The following FERMT2 variants were observed in gnomAD, a reference collection of about 807,000 sequenced individuals.
The protein encoded by FERMT2 is fermitin family homolog 2.
FERMT2 carries 15 observed loss-of-function variants against 82.7 expected under a neutral mutation model. The observed-to-expected ratio is 0.18, with a 90% CI of 0.12 to 0.28. The LOEUF is 0.28. Ranked by LOEUF, FERMT2 falls within the 10% of genes least tolerant of loss-of-function variation. The pLI is 1.00. For synonymous variants in FERMT2, 274 were observed against 271.5 expected, an observed-to-expected ratio of 1.01 and a Z score of -0.09; for missense variants, 645 against 809.4, an observed-to-expected ratio of 0.80 and a Z score of 2.46.
chr14:52,864,646 G>A (rs1885161750), intron 11 of FERMT2, 24 bp from the exon 12 acceptor site: 1 of 1,598,658 alleles, frequency 6.3e-7, no homozygotes, highest in South Asian at 1.1e-5. Context: ...ATACTGATGT[G>A]TGCAATGTAT....
chr14:52,938,329 G>A (rs1889941964), intron 2 of FERMT2, among the ~76,000 whole-genome samples: 1 of 152,042 alleles, frequency 6.6e-6, no homozygotes, highest in South Asian at 2.1e-4. Flanking sequence ...AAGTTTACAT[G>A]GTATTTGAAG....
chr14:52,929,858 G>A (rs2139670483), intron 2 of FERMT2, among the ~76,000 whole-genome samples: 1 of 152,148 alleles, frequency 6.6e-6, no homozygotes, highest in South Asian at 2.1e-4. Flanking sequence ...TTTCCTAATA[G>A]ATTATAAACT....
intron 2 of FERMT2, among the ~76,000 whole-genome samples, chr14:52,920,250 C>G (rs1222934081): frequency 6.6e-6 from 1 of 152,158 alleles, no homozygotes; most frequent in Non-Finnish European, 1.5e-5. Flanking sequence ...AAAGTAAAGA[C>G]TGCTGGGATC....
intron 10 of FERMT2, among the ~76,000 whole-genome samples, chr14:52,870,730 C>T (rs925224179): frequency 1.3e-5 from 2 of 152,202 alleles, no homozygotes; most frequent in African/African-American, 4.8e-5. Flanking sequence ...TAAGTACACA[C>T]ACTCCATAAT....
In FERMT2 at chr14:52,881,451, G is replaced by A. The variant is rs1886292091; in HGVS notation, c.545C>T (p.Pro182Leu). 2 of 1,611,430 alleles carry A rather than the reference G, an allele frequency of 1.2e-6. No individual in the cohort carries two copies. Among genetic ancestry groups the A allele is most frequent in the Non-Finnish European group, 1.7e-6 (2 of 1,177,786 alleles). Residue 182 changes from proline to leucine, a missense_variant, in exon 5 of 15, where the codon CCA becomes CTA. Physicochemically the swap from Pro to Leu is moderately conservative, Grantham distance 98. Transcript: ENST00000341590. The stretch of plus-strand genomic sequence containing the variant: ...GGTCATTGTTTTACTATACAGTCCT[G>A]GGCTTGAATATATACTTCCTAATAA... ...TPGSGSIYSSPGLYSKTMTPT... is the reference protein window; with the variant it reads ...TPGSGSIYSSLGLYSKTMTPT...
At chr14:52,909,201 C>T (rs553134326) in intron 3 of FERMT2, among the ~76,000 whole-genome samples, 43 of 152,288 alleles carry the variant, frequency 2.8e-4, no homozygotes, top group African/African-American at 9.4e-4. Context: ...TACTAAAATG[C>T]TCATTGGAGC....
In FERMT2 at chr14:52,904,099, G is replaced by A. The variant is rs11623688; in HGVS notation, c.392-10672C>T. On this transcript the variant is annotated intron_variant, in intron 3 of 14. Coordinates refer to ENST00000341590, the MANE Select transcript of FERMT2 (RefSeq NM_006832.3). ...ATGGGAAAACTGCTTGAGCCCCCAG[G>A]AGTTAGAAACCAGCCTGGCGCCTGT... Among the ~76,000 whole-genome samples the A allele has an allele frequency of 3.9e-3, 601 of 152,334 alleles. 8 individuals carry two copies. Among genetic ancestry groups the A allele is most frequent in the Non-Finnish European group, 4.7e-3 (318 of 68,024 alleles).
intron 4 of FERMT2, among the ~76,000 whole-genome samples, chr14:52,892,170 T>TTG (rs1003381389): frequency 1.4e-4 from 2 of 14,248 alleles, no homozygotes; most frequent in African/African-American, 1.6e-4. Context: ...TTTTTTGTTT[T>TTG]TTTTTTTTTT....
chr14:52,940,497 G>C (rs548521926), intron 2 of FERMT2, among the ~76,000 whole-genome samples: 15 of 152,246 alleles, frequency 9.9e-5, no homozygotes, highest in African/African-American at 3.6e-4. Context: ...ATCAGGATTT[G>C]TATACTGACC....
intron 2 of FERMT2, among the ~76,000 whole-genome samples, chr14:52,940,612 T>G (rs1024571925): frequency 3.9e-5 from 6 of 152,348 alleles, no homozygotes; most frequent in African/African-American, 1.4e-4. Context: ...TTTGAAGAAC[T>G]ATTTTCAAAG....
chr14:52,860,837 C>A, intron 12 of FERMT2: 1 of 641,334 alleles, frequency 1.6e-6, no homozygotes, highest in South Asian at 1.9e-5. Context: ...GAATGAATAC[C>A]TGGAATACAT....
At chr14:52,880,133 C>T (rs1173592263) in intron 6 of FERMT2, among the ~76,000 whole-genome samples, 1 of 152,016 alleles carries the variant, frequency 6.6e-6, no homozygotes, top group Non-Finnish European at 1.5e-5. Context: ...CTGGGTGAGC[C>T]TGTAGTCCCA....
chr14:52,942,419 C>T (rs1221408858), intron 2 of FERMT2, among the ~76,000 whole-genome samples: 1 of 151,590 alleles, frequency 6.6e-6, no homozygotes, highest in Non-Finnish European at 1.5e-5. Flanking sequence ...TCTCCAGCCT[C>T]AGCCTCCCGA....
At chr14:52,941,848 T>C (rs533635762) in intron 2 of FERMT2, among the ~76,000 whole-genome samples, 2 of 152,332 alleles carry the variant, frequency 1.3e-5, no homozygotes, top group Non-Finnish European at 2.9e-5. Context: ...GATGCTTTCA[T>C]GGTTTTAGAT....
At chr14:52,946,749 T>C (rs531965398) in intron 2 of FERMT2, among the ~76,000 whole-genome samples, 12 of 152,250 alleles carry the variant, frequency 7.9e-5, no homozygotes, top group Non-Finnish European at 1.8e-4. Flanking sequence ...TTTGGCTCAC[T>C]GCAACCTCCG....
intron 9 of FERMT2, among the ~76,000 whole-genome samples, chr14:52,873,402 G>A (rs1377222433): frequency 6.6e-6 from 1 of 152,122 alleles, no homozygotes; most frequent in Non-Finnish European, 1.5e-5. Context: ...AAATTCCAAT[G>A]GTGACATTAA....
chr14:52,914,057 C>T (rs150797512), intron 3 of FERMT2, among the ~76,000 whole-genome samples: 33 of 151,990 alleles, frequency 2.2e-4, no homozygotes, highest in African/African-American at 6.3e-4. Context: ...GAGTTAAAGG[C>T]GCTAGCAATT....
At position 52,876,343 on chromosome 14, in the gene FERMT2, G is replaced by A. The variant is rs185725969; in HGVS notation, c.964-986C>T. Among the ~76,000 whole-genome samples, 321 of 152,322 alleles carry A rather than the reference G, an allele frequency of 2.1e-3. 3 individuals carry two copies. The highest frequency in any genetic ancestry group is 3.7e-3 in the Non-Finnish European group (252 of 68,030). ...CATAAATTATGGGAAATGAGGTAGA[G>A]GTTGAGGCCCTCAGGTCCCAAATGT... is the stretch of plus-strand genomic sequence containing the variant. On this transcript the variant is annotated intron_variant, in intron 7 of 14. Transcript: ENST00000341590.
At position 52,884,916 on chromosome 14, in the gene FERMT2, C is replaced by T. The variant is rs186136278; in HGVS notation, c.527-3447G>A. ...ACTTGGGAGGCTGAGACAGGAGAAT[C>T]GCTTGAACCGAGGAGGTGGAGGTTG... On this transcript the variant is annotated intron_variant, in intron 4 of 14. Coordinates refer to ENST00000341590, the MANE Select transcript of FERMT2 (RefSeq NM_006832.3). Among the ~76,000 whole-genome samples, 220 of 152,016 alleles carry T rather than the reference C, an allele frequency of 1.4e-3. 1 individual carries two copies. Among genetic ancestry groups the T allele is most frequent in the African/African-American group, 5.2e-3 (214 of 41,464 alleles).
Sources: gnomAD v4.1 joint callset for allele counts (sites outside exome capture counted in the v4.1 genomes callset) on GRCh38, gnomAD v4.1.1 for gene constraint, MANE v1.5 for transcripts, NCBI Gene and HGNC (gene_info 2026-07-23, HGNC 2026-07-21) for gene names.